Variants in HOOK2 observed in about 807,000 individuals in gnomAD.
HOOK2 encodes hook microtubule tethering protein 2.
A neutral mutation model predicts 111.9 loss-of-function variants in HOOK2; 108 were observed. The ratio of observed to expected loss-of-function variants is 0.96; its 90% confidence interval spans 0.83 to 1.13. HOOK2 has a LOEUF of 1.13. Ranked by LOEUF, HOOK2 falls within the 50% of genes most tolerant of loss-of-function variation. HOOK2 has a pLI of 0.00. For synonymous variants in HOOK2, 405 were observed against 394.3 expected (o/e 1.03, Z -0.32); for missense variants, 978 against 951.3 (o/e 1.03, Z -0.37).
At chr19:12,782,508 G>C (rs1010696993), upstream of HOOK2, among the ~76,000 whole-genome samples, 4 of 152,254 alleles carry the variant, frequency 2.6e-5, no homozygotes, top group African/African-American at 9.6e-5. Flanking sequence ...TTCCCCTCCG[G>C]GAGGCGCCCT....
At chr19:12,775,557 C>T (rs1968478273), upstream of HOOK2, 1 of 1,154,228 alleles carries the variant, frequency 8.7e-7, no homozygotes, top group Admixed American at 4.0e-5. Context: ...CGGCCTAGAG[C>T]GCCGCCCCGC....
intron 3 of HOOK2, among the ~76,000 whole-genome samples, chr19:12,789,879 G>A (rs1371749179): frequency 6.6e-6 from 1 of 152,076 alleles, no homozygotes; most frequent in African/African-American, 2.4e-5. Flanking sequence ...CTGGGACCTG[G>A]CAGATAGTCG....
intron 1 of HOOK2, 122 bp from the exon 2 acceptor site, chr19:12,775,019 G>A: frequency 8.8e-7 from 1 of 1,139,162 alleles, no homozygotes; most frequent in Admixed American, 2.1e-5. Flanking sequence ...CTCCGCCACA[G>A]CAGCTCTGCG....
At chr19:12,783,847 G>A (rs1968630532) in intron 3 of HOOK2, among the ~76,000 whole-genome samples, 1 of 152,160 alleles carries the variant, frequency 6.6e-6, no homozygotes, top group African/African-American at 2.4e-5. Flanking sequence ...TGCCGGGCAG[G>A]CCATGCCCCA....
chr19:12,775,302 C>T, intron 1 of HOOK2, 103 bp downstream of exon 1: 1 of 1,512,906 alleles, frequency 6.6e-7, no homozygotes, highest in Non-Finnish European at 8.9e-7. Flanking sequence ...GACGACCCCG[C>T]ACCTCCCAGC....
intron 3 of HOOK2, among the ~76,000 whole-genome samples, chr19:12,789,812 C>G (rs941527527): frequency 6.6e-6 from 1 of 151,478 alleles, no homozygotes; most frequent in Non-Finnish European, 1.5e-5. Flanking sequence ...CCGTGGGGGC[C>G]CCGGGGGCGG....
intron 3 of HOOK2, chr19:12,774,462 G>T (rs1186496942): frequency 3.3e-6 from 2 of 613,636 alleles, no homozygotes; most frequent in African/African-American, 1.8e-5. Flanking sequence ...TGATGGCTGT[G>T]TGGGGCAGGT....
upstream of HOOK2, among the ~76,000 whole-genome samples, chr19:12,779,662 G>T (rs1968577657): frequency 6.6e-6 from 1 of 152,158 alleles, no homozygotes; most frequent in Admixed American, 6.6e-5. Context: ...GGCCAAATGT[G>T]CTGGTCTTTG....
At chr19:12,792,349 C>T (rs1173408858) in intron 3 of HOOK2, 3 of 1,539,430 alleles carry the variant, frequency 1.9e-6, no homozygotes, top group Non-Finnish European at 1.8e-6. Flanking sequence ...CCAGCCTCTG[C>T]GTCCTCGGGA....
intron 6 of HOOK2, 100 bp from the exon 7 acceptor site, chr19:12,772,352 G>T (rs1353768710): frequency 1.5e-6 from 2 of 1,341,466 alleles, no homozygotes; most frequent in Non-Finnish European, 2.1e-6. Context: ...CTCCCGTCAA[G>T]GCCAGTTCTG....
rs1207087370 is a variant in HOOK2, at chr19:12,767,402, C to T, written c.1366G>A (p.Glu456Lys). The change falls in exon 14 of 23, where the codon GAG becomes AAG. Residue 456 changes from glutamate to lysine, a missense_variant. Around this residue, in one of 5 missense-constraint regions of HOOK2, gnomAD observed 388 missense variants for 358.3 expected, o/e 1.08. Transcript: ENST00000397668. Reference sequence around the variant, plus strand: ...TGAGTGACCCCAGGATACCTGAGCTCCGCAGGCAGGATCTCTGCGGCTAAG... The same window carrying T: ...TGAGTGACCCCAGGATACCTGAGCTTCGCAGGCAGGATCTCTGCGGCTAAG... ...DNLAAEILPA[E>K]LRETLLRLQL... 6.2e-7 allele frequency: 1 copy of T among 1,613,972 alleles called. No individual in the cohort carries two copies. Among genetic ancestry groups the T allele is most frequent in the East Asian group, 2.2e-5 (1 of 44,872 alleles).
In HOOK2 at chr19:12,771,430, T is replaced by A; in HGVS notation, c.567A>T (p.Glu189Asp). 6.2e-7 allele frequency: 1 copy of A among 1,613,712 alleles called. No individual in the cohort carries two copies. The highest frequency in any genetic ancestry group is 8.5e-7 in the Non-Finnish European group (1 of 1,179,870). The change falls in exon 8 of 23, where the codon GAA becomes GAT. Residue 189 changes from glutamate to aspartate, a missense_variant. Glu to Asp is a conservative substitution (Grantham distance 45). Transcript: ENST00000397668. ...FLSEEAEEGD[E>D]LQQRCLDLER... Reference sequence around the variant, plus strand: ...CCAGATCCAGACAGCGCTGCTGTAATTCGTCCCCCTCCTCAGCCTCCTCAC... The same window carrying A: ...CCAGATCCAGACAGCGCTGCTGTAAATCGTCCCCCTCCTCAGCCTCCTCAC...
chr19:12,779,886 G>C (rs768003242), upstream of HOOK2, among the ~76,000 whole-genome samples: 1 of 152,082 alleles, frequency 6.6e-6, no homozygotes, highest in African/African-American at 2.4e-5. Context: ...TTGGTGGCTC[G>C]CGCCAGTAAT....
upstream of HOOK2, among the ~76,000 whole-genome samples, chr19:12,782,753 A>AG (rs1014122876): frequency 3.3e-5 from 5 of 152,094 alleles, no homozygotes; most frequent in South Asian, 6.2e-4. Flanking sequence ...GAAACCCGGG[A>AG]GGGGGCCTCC....
chr19:12,783,312 C>CG (rs983911822), upstream of HOOK2, among the ~76,000 whole-genome samples: 1 of 150,950 alleles, frequency 6.6e-6, no homozygotes, highest in Non-Finnish European at 1.5e-5. Context: ...AGGCGCCCCC[C>CG]CCAACTCCGC....
In HOOK2 at chr19:12,764,897, G is replaced by T; in HGVS notation, c.1744C>A (p.Leu582Met). Residue 582 changes from leucine (L) to methionine (M), a missense_variant, in exon 20 of 23, where the codon CTG (leucine) becomes ATG (methionine). Leu to Met is a conservative substitution (Grantham distance 15). Coordinates refer to ENST00000397668, the MANE Select transcript of HOOK2 (RefSeq NM_013312.3). Reference protein sequence around the residue: ...DSSTARRIEELQHNLQKKDAD... With the variant: ...DSSTARRIEEMQHNLQKKDAD... ...TCCTTCTTCTGCAAGTTATGCTGCA[G>T]CTCCTCGATCCGCCGGGCTGCTGGC... The T allele has an allele frequency of 6.2e-7, 1 of 1,614,146 alleles. No individual in the cohort carries two copies. The highest frequency in any genetic ancestry group is 1.6e-4 in the Middle Eastern group (1 of 6,062).
Position 12,791,765 on chromosome 19 carries a change from C to G in HOOK2, n.42-17540G>C, listed in dbSNP as rs371222383. 2.5e-6 allele frequency: 4 copies of G among 1,593,532 alleles called. No homozygotes were observed. In the East Asian group the frequency reaches 6.7e-5, roughly 27 times the overall value. ...GGGACCCTCCCCAGACCGCCTGGGC[C>G]GCCCGGATGTGCACTAAAATGGAAC... On this transcript the variant is annotated intron_variant and non_coding_transcript_variant, in intron 3 of 3. Transcript: ENST00000589765. This position sits in a 1 kb window ranked among gnomAD's most constrained non-coding sequence, Gnocchi z 7.0.
chr19:12,786,829 C>T lies in HOOK2; in HGVS notation n.42-12604G>A, dbSNP rs907426929. Among the ~76,000 whole-genome samples, 1 of 152,198 alleles carries T rather than the reference C, an allele frequency of 6.6e-6. No homozygotes were observed. The highest frequency in any genetic ancestry group is 2.1e-4 in the South Asian group (1 of 4,832). ...CCACATGCTGGCCTGTCCACAGAGACCCGTGCCCCTCTGTCTGTGCCCCAC... is the reference window on the plus strand; with the variant it reads ...CCACATGCTGGCCTGTCCACAGAGATCCGTGCCCCTCTGTCTGTGCCCCAC... On this transcript the variant is annotated intron_variant and non_coding_transcript_variant, in intron 3 of 3. Transcript: ENST00000589765. This position sits in a 1 kb window ranked among gnomAD's most constrained non-coding sequence, Gnocchi z 4.3.
intron 7 of HOOK2, 141 bp from the exon 8 acceptor site, chr19:12,771,618 C>T (rs1032666896): frequency 1.1e-5 from 8 of 722,082 alleles, no homozygotes; most frequent in Non-Finnish European, 1.9e-5. Flanking sequence ...TGCAGTGGCT[C>T]GCGCCTATAA....
Sources: allele counts gnomAD v4.1 joint callset (sites outside exome capture counted in the v4.1 genomes callset), GRCh38; gene constraint gnomAD v4.1.1; regional missense constraint gnomAD v4.1.1; non-coding constraint Gnocchi (gnomAD v3.1); transcripts MANE v1.5; gene names NCBI Gene and HGNC (gene_info 2026-07-23, HGNC 2026-07-21).